Variants in ZNF431 observed in about 807,000 individuals in gnomAD.
The protein encoded by ZNF431 is zinc finger protein 431.
ZNF431 carries 34 observed loss-of-function variants against 57.0 expected under a neutral mutation model. The observed-to-expected ratio is 0.60, with a 90% confidence interval of 0.45 to 0.79. The LOEUF (loss-of-function observed/expected upper bound fraction) is 0.79, where lower values mean the gene tolerates loss of function less well. Ranked by LOEUF, ZNF431 falls within the 30% of genes least tolerant of loss-of-function variation. The pLI is 0.00. For synonymous variants in ZNF431, 207 were observed against 220.3 expected (o/e 0.94, Z 0.54); for missense variants, 607 against 667.1 (o/e 0.91, Z 0.99).
intron 2 of ZNF431, among the ~76,000 whole-genome samples, chr19:21,145,303 G>A (rs1391326585): frequency 2.0e-5 from 3 of 152,098 alleles, no homozygotes; most frequent in South Asian, 2.1e-4. Flanking sequence ...GTGAAAGCCC[G>A]TCTCTACTAA....
In ZNF431 at chr19:21,192,932, A is replaced by G. The variant is rs1015433327; in HGVS notation, c.*8898A>G. The G allele has an allele frequency of 6.6e-6, 1 of 152,230 alleles. No homozygotes were observed. Among genetic ancestry groups the G allele is most frequent in the Non-Finnish European group, 1.5e-5 (1 of 68,036 alleles). The allele number at this position is 152,230 out of a possible 1,614,324, so 9.4% of individuals were successfully genotyped here. A position where few individuals can be genotyped will look rare whatever the true frequency, so the allele number is the denominator to read the frequency against. On this transcript the variant is annotated 3_prime_UTR_variant, in exon 5 of 5. Coordinates refer to ENST00000311048, the MANE Select transcript of ZNF431 (RefSeq NM_133473.4). ...ACAAAAAAAGTCAGAGACTACTATG[A>G]ACATCTCTATGCCTGCAAAATAGAA...
At chr19:21,174,803 G>A (rs1248647256) in intron 4 of ZNF431, among the ~76,000 whole-genome samples, 1 of 151,580 alleles carries the variant, frequency 6.6e-6, no homozygotes, top group African/African-American at 2.4e-5. Flanking sequence ...ATGGCATCTC[G>A]CTCTGTCACC....
At chr19:21,159,335 A>G (rs1278314215) in intron 2 of ZNF431, among the ~76,000 whole-genome samples, 2 of 151,144 alleles carry the variant, frequency 1.3e-5, no homozygotes, top group African/African-American at 4.9e-5. Context: ...ATTATGATAT[A>G]TATATATAGT....
At chr19:21,170,009 T>C (rs1396843552) in intron 4 of ZNF431, 4 of 394,916 alleles carry the variant, frequency 1.0e-5, no homozygotes, top group Admixed American at 4.4e-5. Context: ...CAGAATTCTC[T>C]GTTGGACCAA....
rs1971292361 is a variant in ZNF431, at chr19:21,183,956, G to A, written c.1653G>A (p.Gln551=). ...NCEECDNTFN[Q]SSNLIKQNNS... ...AAGAATGTGACAATACATTTAACCA[G>A]TCCTCAAACCTTATTAAACAAAATA... Residue 551 remains glutamine, a synonymous_variant, in exon 5 of 5, where the codon CAG becomes CAA. Coordinates refer to ENST00000311048, the MANE Select transcript of ZNF431 (RefSeq NM_133473.4). 6.2e-7 allele frequency: 1 copy of A among 1,605,598 alleles called. No individual in the cohort carries two copies. Among genetic ancestry groups the A allele is most frequent in the Non-Finnish European group, 8.5e-7 (1 of 1,177,258 alleles).
intron 2 of ZNF431, among the ~76,000 whole-genome samples, chr19:21,164,936 C>A (rs1255914318): frequency 6.6e-6 from 1 of 151,194 alleles, no homozygotes. Context: ...GATGGATAAA[C>A]CCCGTCTCTA....
At chr19:21,148,504 C>T (rs991323525) in intron 2 of ZNF431, among the ~76,000 whole-genome samples, 1 of 152,184 alleles carries the variant, frequency 6.6e-6, no homozygotes, top group Non-Finnish European at 1.5e-5. Flanking sequence ...CACACAGAAT[C>T]TCTTTTGCAA....
In ZNF431 at chr19:21,187,375, G is replaced by T. The variant is rs904192416; in HGVS notation, c.*3341G>T. 6.7e-6 allele frequency: 1 copy of T among 149,610 alleles called. No individual in the cohort carries two copies. The allele number at this position is 149,610 out of a possible 1,614,324, so 9.3% of individuals were successfully genotyped here. A position where few individuals can be genotyped will look rare whatever the true frequency, so the allele number is the denominator to read the frequency against. On this transcript the variant is annotated 3_prime_UTR_variant, in exon 5 of 5. Coordinates refer to ENST00000311048, the MANE Select transcript of ZNF431 (RefSeq NM_133473.4). ...TGCTTGAACCCGGAGGTGAAGATTG[G>T]AGTAAGCCAAGATTGTGCCGTTGCA...
rs1158288629 is a variant in ZNF431 at position 21,186,553 on chromosome 19, CTGAAAGCAAATGTATACTTTTTGGTTT to C, written c.*2520_*2546del. On this transcript the variant is annotated 3_prime_UTR_variant, in exon 5 of 5. Transcript: ENST00000311048. Reference sequence around the variant, plus strand: ...TATAAAACTAAAAACCTAAAAAATGCTGAAAGCAAATGTATACTTTTTGGTTTGTATTGAATTTATTACTGTACAGTC... The same window carrying C: ...TATAAAACTAAAAACCTAAAAAATGCGTATTGAATTTATTACTGTACAGTC... 6.6e-6 allele frequency: 1 copy of C among 152,108 alleles called. No individual in the cohort carries two copies. Among genetic ancestry groups the C allele is most frequent in the Non-Finnish European group, 1.5e-5 (1 of 68,006 alleles). 9.4% of individuals were successfully genotyped at this position (152,108 alleles called of 1,614,324 possible).
At position 21,189,961 on chromosome 19, in the gene ZNF431, T is replaced by A; in HGVS notation, c.*5927T>A. ...GAGTTTGAGACCAGCCTGGACAACGTGGAAAAACCCCATCTCTACTAAAAA... is the reference window on the plus strand; with the variant it reads ...GAGTTTGAGACCAGCCTGGACAACGAGGAAAAACCCCATCTCTACTAAAAA... On this transcript the variant is annotated 3_prime_UTR_variant, in exon 5 of 5. Coordinates refer to ENST00000311048, the MANE Select transcript of ZNF431 (RefSeq NM_133473.4). The A allele has an allele frequency of 2.5e-6, 1 of 397,580 alleles. No individual in the cohort carries two copies. The highest frequency in any genetic ancestry group is 4.4e-6 in the Non-Finnish European group (1 of 225,952). 24.6% of individuals were successfully genotyped at this position (397,580 alleles called of 1,614,324 possible).
chr19:21,171,833 G>T (rs964171930), intron 4 of ZNF431, among the ~76,000 whole-genome samples: 2 of 147,950 alleles, frequency 1.4e-5, no homozygotes, highest in South Asian at 4.3e-4. Context: ...TGATTCTCCT[G>T]CCTCAGCCTC....
At chr19:21,164,554 C>G (rs1005195028) in intron 2 of ZNF431, among the ~76,000 whole-genome samples, 7 of 151,992 alleles carry the variant, frequency 4.6e-5, no homozygotes, top group Non-Finnish European at 1.0e-4. Flanking sequence ...GGTGCTGATG[C>G]TTTTAAGGGA....
rs1971585881 is a variant in ZNF431, at chr19:21,195,306, G to T, written c.*11272G>T. On this transcript the variant is annotated 3_prime_UTR_variant, in exon 5 of 5. Coordinates refer to ENST00000311048, the MANE Select transcript of ZNF431 (RefSeq NM_133473.4). ...AATCTGCCTTAAAATTTGATACCTG[G>T]TAACTTCTCTCTGTGAGTTTTGAAT... 1 of 152,110 alleles carries T rather than the reference G, an allele frequency of 6.6e-6. No homozygotes were observed. The highest frequency in any genetic ancestry group is 1.5e-5 in the Non-Finnish European group (1 of 68,026). The allele number at this position is 152,110 out of a possible 1,614,324, so 9.4% of individuals were successfully genotyped here. A position where few individuals can be genotyped will look rare whatever the true frequency, so the allele number is the denominator to read the frequency against.
intron 2 of ZNF431, chr19:21,150,322 A>T: frequency 2.3e-6 from 1 of 426,870 alleles, no homozygotes; most frequent in Non-Finnish European, 4.4e-6. Context: ...GCCCAGTGCC[A>T]CAATTCTTAG....
chr19:21,149,429 C>T lies in ZNF431; in HGVS notation c.96+5786C>T, dbSNP rs148001713. ...TTGTCACATGAACTAAAAGGTGTTA[C>T]ACTTTTAACTTTTCTGACAAAATAT... On this transcript the variant is annotated intron_variant, in intron 2 of 4. Coordinates refer to ENST00000311048, the MANE Select transcript of ZNF431 (RefSeq NM_133473.4). Among the ~76,000 whole-genome samples, 100 of 152,244 alleles carry T rather than the reference C, an allele frequency of 6.6e-4. 1 individual carries two copies. Among genetic ancestry groups the T allele is most frequent in the African/African-American group, 2.0e-3 (85 of 41,552 alleles).
At chr19:21,150,310 C>G in intron 2 of ZNF431, 1 of 440,814 alleles carries the variant, frequency 2.3e-6, no homozygotes, top group Non-Finnish European at 4.3e-6. Context: ...GCTGGATGTC[C>G]TGCCCAGTGC....
chr19:21,175,997 C>T (rs2145028792), intron 4 of ZNF431, among the ~76,000 whole-genome samples: 1 of 152,336 alleles, frequency 6.6e-6, no homozygotes, highest in Middle Eastern at 3.4e-3. Flanking sequence ...TGAGGAATCG[C>T]CATACTGGCT....
chr19:21,184,704 T>C lies in ZNF431; in HGVS notation c.*670T>C, dbSNP rs1045507117. 1 of 152,648 alleles carries C rather than the reference T, an allele frequency of 6.6e-6. No homozygotes were observed. Among genetic ancestry groups the C allele is most frequent in the Non-Finnish European group, 1.5e-5 (1 of 68,070 alleles). The allele number at this position is 152,648 out of a possible 1,614,324, so 9.5% of individuals were successfully genotyped here. On this transcript the variant is annotated 3_prime_UTR_variant, in exon 5 of 5. Coordinates refer to ENST00000311048, the MANE Select transcript of ZNF431 (RefSeq NM_133473.4). ...AAGCATTTATACTTGAGATAAATTA[T>C]ACAAATATAAAGACTGTGAAAAAGC...
chr19:21,157,463 G>C (rs1025348016), intron 2 of ZNF431, among the ~76,000 whole-genome samples: 1 of 152,094 alleles, frequency 6.6e-6, no homozygotes, highest in Non-Finnish European at 1.5e-5. Context: ...TTAGTGGTGA[G>C]CATTTGTTGC....
Sources: gnomAD v4.1 joint callset for allele counts (sites outside exome capture counted in the v4.1 genomes callset) on GRCh38, gnomAD v4.1.1 for gene constraint, MANE v1.5 for transcripts, NCBI Gene and HGNC (gene_info 2026-07-23, HGNC 2026-07-21) for gene names.